Variants in PIK3C2G observed in about 807,000 individuals in gnomAD.
The protein encoded by PIK3C2G is phosphatidylinositol 3-kinase C2 domain-containing subunit gamma.
Under a neutral mutation model 181.1 loss-of-function variants are expected in PIK3C2G, and 168 were observed. The ratio of observed to expected loss-of-function variants is 0.93; its 90% CI spans 0.82 to 1.05. The LOEUF (loss-of-function observed/expected upper bound fraction) is 1.05, where lower values mean the gene tolerates loss of function less well. Ranked by LOEUF, PIK3C2G falls within the 50% of genes least tolerant of loss-of-function variation. PIK3C2G has a pLI of 0.00. For synonymous variants in PIK3C2G, 573 were observed against 592.2 expected (o/e 0.97, Z 0.47); for missense variants, 1,869 against 1,732.8 (o/e 1.08, Z -1.40).
chr12:18,616,572 A>T (rs747047358), intron 31 of PIK3C2G, among the ~76,000 whole-genome samples: 33 of 152,074 alleles, frequency 2.2e-4, no homozygotes, highest in Admixed American at 2.1e-3. Flanking sequence ...AACCCTGAAC[A>T]CTTTCCTTCT....
intron 18 of PIK3C2G, among the ~76,000 whole-genome samples, chr12:18,433,009 T>A (rs949761576): frequency 3.3e-5 from 5 of 151,772 alleles, no homozygotes; most frequent in Non-Finnish European, 5.9e-5. Flanking sequence ...AGAGCAAAAC[T>A]GAAATGAAAA....
downstream of PIK3C2G, among the ~76,000 whole-genome samples, chr12:18,650,293 TTCTCTCTCTCTC>T (rs140285960): frequency 0.1 from 9,190 of 87,576 alleles, 547 homozygotes; most frequent in African/African-American, 0.13. Flanking sequence ...TAACCCAAAT[TTCTCTCTCTCTC>T]TCTCTCTCTC....
chr12:18,394,892 A>T (rs1053126267), intron 15 of PIK3C2G, among the ~76,000 whole-genome samples: 1 of 151,932 alleles, frequency 6.6e-6, no homozygotes, highest in African/African-American at 2.4e-5. Flanking sequence ...GAGATGGCCA[A>T]ATTTTACAAA....
intron 26 of PIK3C2G, among the ~76,000 whole-genome samples, chr12:18,553,590 C>T (rs1944848590): frequency 6.6e-6 from 1 of 152,068 alleles, no homozygotes; most frequent in Non-Finnish European, 1.5e-5. Context: ...CTTGAAACCT[C>T]AACTTGGAAA....
the PIK3C2G span, chr12:18,712,832 A>T: frequency 6.2e-7 from 1 of 1,613,336 alleles, no homozygotes; most frequent in Non-Finnish European, 8.5e-7. Context: ...GAACAAAGAT[A>T]TGTACATACC....
At chr12:18,683,973 T>C in the PIK3C2G span, among the ~76,000 whole-genome samples, 1 of 152,026 alleles carries the variant, frequency 6.6e-6, no homozygotes, top group Non-Finnish European at 1.5e-5. Flanking sequence ...GAGAACACAT[T>C]TTTATAATTC....
chr12:18,413,540 G>A (rs1345141200), intron 16 of PIK3C2G, among the ~76,000 whole-genome samples: 2 of 151,966 alleles, frequency 1.3e-5, no homozygotes, highest in Non-Finnish European at 2.9e-5. Context: ...TCTCAAGCCA[G>A]ATGTCCATTT....
At chr12:18,367,912 G>A (rs1941756872) in intron 12 of PIK3C2G, among the ~76,000 whole-genome samples, 1 of 152,002 alleles carries the variant, frequency 6.6e-6, no homozygotes, top group African/African-American at 2.4e-5. Flanking sequence ...CACATGGCTG[G>A]GGAGGCCTCA....
intron 1 of PIK3C2G, among the ~76,000 whole-genome samples, chr12:18,280,230 A>T: frequency 6.6e-6 from 1 of 152,028 alleles, no homozygotes; most frequent in East Asian, 1.9e-4. Flanking sequence ...GAAGCAATGG[A>T]CTAGGCACTG....
chr12:18,340,826 G>C (rs1461740627), intron 9 of PIK3C2G, among the ~76,000 whole-genome samples: 1 of 152,120 alleles, frequency 6.6e-6, no homozygotes, highest in Non-Finnish European at 1.5e-5. Flanking sequence ...GATCATTGCT[G>C]TTAATGGAGG....
intron 11 of PIK3C2G, among the ~76,000 whole-genome samples, chr12:18,349,592 T>A (rs1025874941): frequency 1.3e-5 from 2 of 152,190 alleles, no homozygotes; most frequent in Non-Finnish European, 2.9e-5. Context: ...TTACACTGAT[T>A]AAGAACTCAT....
intron 8 of PIK3C2G, among the ~76,000 whole-genome samples, chr12:18,332,488 C>A (rs1040922453): frequency 2.0e-5 from 3 of 151,940 alleles, no homozygotes; most frequent in Non-Finnish European, 4.4e-5. Flanking sequence ...CAAACTCTGC[C>A]TTATATCTGT....
intron 1 of PIK3C2G, among the ~76,000 whole-genome samples, chr12:18,274,473 A>C (rs1254885227): frequency 6.6e-6 from 1 of 152,252 alleles, no homozygotes; most frequent in Non-Finnish European, 1.5e-5. Flanking sequence ...CTATGCAACC[A>C]TAAAAAATGA....
rs941504210 is a variant in PIK3C2G, at chr12:18,599,764, G to A, written c.4087+5195G>A. 2.6e-5 allele frequency among the ~76,000 whole-genome samples: 4 copies of A among 151,744 alleles called. No individual in the cohort carries two copies. In the East Asian group the frequency reaches 5.8e-4, roughly 22 times the overall value. ...GGTTGAAAATTAAAATATAGCCATA[G>A]GTATATTAGGCAAAGCAAGAAAATT... On this transcript the variant is annotated intron_variant, in intron 30 of 32. Transcript: ENST00000538779.
the PIK3C2G span, among the ~76,000 whole-genome samples, chr12:18,697,184 T>A: frequency 6.6e-6 from 1 of 152,146 alleles, no homozygotes; most frequent in Admixed American, 6.6e-5. Flanking sequence ...GAATGGTTAC[T>A]GCTTATGGCT....
intron 5 of PIK3C2G, among the ~76,000 whole-genome samples, chr12:18,305,065 T>A (rs1950362651): frequency 1.3e-5 from 2 of 152,190 alleles, no homozygotes; most frequent in Non-Finnish European, 2.9e-5. Context: ...TCTTTTTTAA[T>A]CTCCTTCATA....
At chr12:18,521,623 G>T (rs73064262) in intron 24 of PIK3C2G, among the ~76,000 whole-genome samples, 24 of 152,258 alleles carry the variant, frequency 1.6e-4, no homozygotes, top group African/African-American at 5.5e-4. Context: ...GGGGTGGGGG[G>T]TTAGGAAGGG....
At chr12:18,631,758 A>C (rs1356786424) in intron 31 of PIK3C2G, among the ~76,000 whole-genome samples, 3 of 152,208 alleles carry the variant, frequency 2.0e-5, no homozygotes, top group Non-Finnish European at 4.4e-5. Flanking sequence ...GGCACCAGGA[A>C]AACTGAGTAG....
At chr12:18,378,549 G>A (rs1313583050) in intron 13 of PIK3C2G, among the ~76,000 whole-genome samples, 1 of 152,140 alleles carries the variant, frequency 6.6e-6, no homozygotes, top group Non-Finnish European at 1.5e-5. Flanking sequence ...CTTCGGCACA[G>A]CAAAAGAAAC....
Sources: gnomAD v4.1 joint callset for allele counts (sites outside exome capture counted in the v4.1 genomes callset) on GRCh38, gnomAD v4.1.1 for gene constraint, MANE v1.5 for transcripts, NCBI Gene and HGNC (gene_info 2026-07-23, HGNC 2026-07-21) for gene names.